The following FYB2 variants were observed in gnomAD, a reference collection of about 807,000 sequenced individuals.
The protein encoded by FYB2 is FYN-binding protein 2.
A neutral mutation model predicts 94.1 loss-of-function variants in FYB2; 103 were observed. The observed-to-expected ratio is 1.09, with a 90% CI of 0.93 to 1.29. FYB2 has a LOEUF of 1.29. Among genes scored for constraint, FYB2 ranks in the 50% most tolerant of loss-of-function variants. The probability of loss-of-function intolerance (pLI) is 0.00; values close to 1 mark genes in which losing one functional copy is unlikely to be tolerated. For missense variants in FYB2, 896 were observed against 841.5 expected, an observed-to-expected ratio of 1.06 and a Z score of -0.80; for synonymous variants, 293 against 287.9, an observed-to-expected ratio of 1.02 and a Z score of -0.18.
At chr1:56,761,232 T>G (rs1479718761) in intron 5 of FYB2, among the ~76,000 whole-genome samples, 2 of 152,190 alleles carry the variant, frequency 1.3e-5, no homozygotes, top group Non-Finnish European at 2.9e-5. Flanking sequence ...AAATAATAAT[T>G]TAAAAGAAAC....
intron 1 of FYB2, among the ~76,000 whole-genome samples, chr1:56,805,394 G>T (rs775434366): frequency 6.6e-6 from 1 of 152,308 alleles, no homozygotes; most frequent in East Asian, 1.9e-4. Flanking sequence ...GAAAATGAAA[G>T]GTGCTTATTA....
intron 2 of FYB2, among the ~76,000 whole-genome samples, 190 bp from the exon 3 acceptor site, chr1:56,789,324 C>G (rs529788237): frequency 6.6e-6 from 1 of 152,264 alleles, no homozygotes; most frequent in East Asian, 1.9e-4. Flanking sequence ...CTCAGCATGA[C>G]ATTGGTTACT....
chr1:56,790,816 T>C (rs745618122), intron 2 of FYB2, among the ~76,000 whole-genome samples: 17 of 152,166 alleles, frequency 1.1e-4, no homozygotes, highest in East Asian at 1.9e-4. Context: ...CAGTACACTT[T>C]ATAGAGAGAG....
rs144102853 is a variant in FYB2, at chr1:56,769,793, A to G, written c.954-1855T>C. Among the ~76,000 whole-genome samples, 950 of 152,310 alleles carry G rather than the reference A, an allele frequency of 6.2e-3. 4 individuals are homozygous for G. The highest frequency in any genetic ancestry group is 0.022 in the African/African-American group (910 of 41,580). On this transcript the variant is annotated intron_variant, in intron 4 of 19. Coordinates refer to ENST00000343433, the MANE Select transcript of FYB2 (RefSeq NM_001004303.5). ...GGAAAGAAAAAAATGCAATTATAGA[A>G]ATTGCATAGTAAATCTTAATTGGGA...
In FYB2 at chr1:56,723,587, C is replaced by A; in HGVS notation, c.1974+1G>T. On this transcript the variant is annotated splice_donor_variant, in intron 17 of 19. Coordinates refer to ENST00000343433, the MANE Select transcript of FYB2 (RefSeq NM_001004303.5). LOFTEE classifies it high-confidence loss of function. ...ATTTTTACCTTCAGAAGAGAACGTA[C>A]CTTAAACCTTTCTCTAAATAGTTTT... 6.6e-7 allele frequency: 1 copy of A among 1,515,624 alleles called. No homozygotes were observed. The highest frequency in any genetic ancestry group is 2.3e-5 in the East Asian group (1 of 43,806). The allele number at this position is 1,515,624 out of a possible 1,614,324, so 93.9% of individuals were successfully genotyped here.
At chr1:56,761,136 TCTC>T (rs1272785213) in intron 5 of FYB2, among the ~76,000 whole-genome samples, 1 of 152,190 alleles carries the variant, frequency 6.6e-6, no homozygotes, top group East Asian at 1.9e-4. Context: ...TTTTGTTCCT[TCTC>T]CTCATCCTGT....
intron 1 of FYB2, among the ~76,000 whole-genome samples, chr1:56,809,486 C>T (rs191929296): frequency 3.2e-4 from 49 of 152,254 alleles, no homozygotes; most frequent in African/African-American, 1.1e-3. Context: ...TGAATATTTG[C>T]TGAAGGAATG....
chr1:56,734,215 A>G (rs1278475187), intron 15 of FYB2, among the ~76,000 whole-genome samples: 1 of 152,004 alleles, frequency 6.6e-6, no homozygotes, highest in Admixed American at 6.6e-5. Context: ...AGTCTGTTTT[A>G]TCTGACGCTA....
intron 1 of FYB2, among the ~76,000 whole-genome samples, chr1:56,818,582 T>C (rs1646940295): frequency 6.6e-6 from 1 of 151,756 alleles, no homozygotes; most frequent in Non-Finnish European, 1.5e-5. Flanking sequence ...AAAAGGAAGA[T>C]GTGGTCAGTC....
intron 17 of FYB2, 110 bp from the exon 18 acceptor site, chr1:56,720,439 TGAC>T: frequency 1.0e-6 from 1 of 988,622 alleles, no homozygotes. Context: ...AAGATACTAT[TGAC>T]TAGTTAAATA....
chr1:56,751,112 A>G lies in FYB2; in HGVS notation c.1319T>C (p.Met440Thr), dbSNP rs948483327. Residue 440 changes from methionine to threonine, a missense_variant, in exon 9 of 20, where the codon ATG (methionine) becomes ACG (threonine). Coordinates refer to ENST00000343433, the MANE Select transcript of FYB2 (RefSeq NM_001004303.5). ...RNMLAGKQEA[M>T]IDIIQTNPCP... is the part of the protein sequence containing the mutation. ...GGGATTTGTCTGGATGATGTCAATC[A>G]TGGCCTCTTGCTTTCCAGCCAACAT... is the stretch of plus-strand genomic sequence containing the variant. 2.0e-5 allele frequency: 33 copies of G among 1,612,800 alleles called. No individual in the cohort carries two copies. The highest frequency in any genetic ancestry group is 2.8e-5 in the Non-Finnish European group (33 of 1,179,274).
chr1:56,776,385 A>T (rs752715286), intron 4 of FYB2, among the ~76,000 whole-genome samples: 14 of 152,198 alleles, frequency 9.2e-5, no homozygotes, highest in Admixed American at 2.6e-4. Flanking sequence ...TTTGAGGTTA[A>T]GGTGGAACCA....
chr1:56,719,495 A>G lies in FYB2; in HGVS notation c.*176T>C. The G allele has an allele frequency of 1.8e-6, 1 of 566,838 alleles. No homozygotes were observed. The highest frequency in any genetic ancestry group is 3.0e-6 in the Non-Finnish European group (1 of 327,950). 35.1% of individuals were successfully genotyped at this position (566,838 alleles called of 1,614,324 possible). A position where few individuals can be genotyped will look rare whatever the true frequency, so the allele number is the denominator to read the frequency against. On this transcript the variant is annotated 3_prime_UTR_variant, in exon 20 of 20. Transcript: ENST00000343433. ...AGATAACCTTTTAGGAGTAAAACCAACATCTAAATGTTGAGGATTTGTTTT... is the reference window on the plus strand; with the variant it reads ...AGATAACCTTTTAGGAGTAAAACCAGCATCTAAATGTTGAGGATTTGTTTT...
chr1:56,822,854 G>T (rs960779351), upstream of FYB2, among the ~76,000 whole-genome samples: 10 of 151,986 alleles, frequency 6.6e-5, no homozygotes, highest in African/African-American at 2.4e-4. Context: ...TGATGACAAA[G>T]CCAGACTGTG....
intron 6 of FYB2, 42 bp from the exon 7 acceptor site, chr1:56,755,969 T>G (rs1645320401): frequency 1.3e-6 from 2 of 1,570,024 alleles, no homozygotes; most frequent in African/African-American, 1.4e-5. Flanking sequence ...TAAATCAACC[T>G]GAATCAGGCT....
the FYB2 span, chr1:56,826,841 C>T: frequency 6.6e-6 from 1 of 152,202 alleles, no homozygotes; most frequent in African/African-American, 2.4e-5. Context: ...GTCAGCTGGA[C>T]CCATCACAAG....
At chr1:56,774,536 C>T (rs903047107) in intron 4 of FYB2, among the ~76,000 whole-genome samples, 2 of 152,120 alleles carry the variant, frequency 1.3e-5, no homozygotes, top group Non-Finnish European at 2.9e-5. Context: ...TGTGTGCATA[C>T]ATATACATCT....
chr1:56,726,406 C>A, intron 16 of FYB2, 91 bp downstream of exon 16: 5 of 1,196,452 alleles, frequency 4.2e-6, no homozygotes, highest in Non-Finnish European at 4.8e-6. Flanking sequence ...AGCTGAGAAT[C>A]AAATTTCATT....
At chr1:56,799,448 T>G (rs1557661863) in intron 1 of FYB2, among the ~76,000 whole-genome samples, 1 of 152,148 alleles carries the variant, frequency 6.6e-6, no homozygotes, top group East Asian at 1.9e-4. Context: ...GCATTGGCTT[T>G]TAAGACACTT....
Sources: gnomAD v4.1 joint callset for allele counts (sites outside exome capture counted in the v4.1 genomes callset) on GRCh38, gnomAD v4.1.1 for gene constraint, MANE v1.5 for transcripts, NCBI Gene and HGNC (gene_info 2026-07-23, HGNC 2026-07-21) for gene names.